The following SLC8A3 variants were observed in gnomAD, a reference collection of about 807,000 sequenced individuals.
The protein encoded by SLC8A3 is solute carrier family 8 member A3.
Under a neutral mutation model 65.4 loss-of-function variants are expected in SLC8A3, and 37 were observed. The observed-to-expected ratio is 0.57, with a 90% CI of 0.44 to 0.74. The LOEUF is 0.74. Among genes scored for constraint, SLC8A3 ranks in the 30% least tolerant of loss-of-function variants. The pLI, the probability that SLC8A3 is intolerant of heterozygous loss-of-function variation, is 0.00. For missense variants in SLC8A3, 1,112 were observed against 1,172.1 expected (o/e 0.95, Z 0.75); for synonymous variants, 461 against 444.5 (o/e 1.04, Z -0.47).
chr14:70,166,506 C>A, intron 2 of SLC8A3, 133 bp downstream of exon 2: 1 of 619,988 alleles, frequency 1.6e-6, no homozygotes, highest in Non-Finnish European at 2.9e-6. Flanking sequence ...GCTGATCCTG[C>A]ATACCTGTGA....
intron 2 of SLC8A3, among the ~76,000 whole-genome samples, chr14:70,091,297 A>G (rs894778226): frequency 1.3e-5 from 2 of 152,184 alleles, no homozygotes; most frequent in African/African-American, 4.8e-5. Context: ...TCCTTTTTTA[A>G]TAACAAAAAT....
At chr14:70,056,440 T>A (rs559326244) in intron 3 of SLC8A3, among the ~76,000 whole-genome samples, 2 of 152,306 alleles carry the variant, frequency 1.3e-5, no homozygotes, top group Non-Finnish European at 1.5e-5. Flanking sequence ...AGAACTTTGA[T>A]TTCCCCTAAA....
intron 2 of SLC8A3, among the ~76,000 whole-genome samples, chr14:70,062,874 G>T (rs1430787264): frequency 2.6e-5 from 4 of 152,152 alleles, no homozygotes; most frequent in African/African-American, 9.7e-5. Context: ...GGATTGGGGT[G>T]CTCTGTGACA....
chr14:70,115,836 C>A (rs959361803), intron 2 of SLC8A3, among the ~76,000 whole-genome samples: 5 of 152,160 alleles, frequency 3.3e-5, no homozygotes, highest in African/African-American at 1.2e-4. Context: ...AAGGGTCCAA[C>A]CAGATGATGT....
intron 1 of SLC8A3, among the ~76,000 whole-genome samples, chr14:70,185,386 A>G (rs986959063): frequency 1.3e-5 from 2 of 152,242 alleles, no homozygotes; most frequent in Admixed American, 6.5e-5. Flanking sequence ...CATGCCTACT[A>G]TCAGTGCCCA....
intron 2 of SLC8A3, among the ~76,000 whole-genome samples, chr14:70,066,746 G>A (rs558226661): frequency 6.6e-6 from 1 of 152,202 alleles, no homozygotes; most frequent in Non-Finnish European, 1.5e-5. Flanking sequence ...AAGAGGCGGA[G>A]GTTGCAGTGA....
At chr14:70,075,784 G>A (rs1273941715) in intron 2 of SLC8A3, among the ~76,000 whole-genome samples, 2 of 152,058 alleles carry the variant, frequency 1.3e-5, no homozygotes, top group African/African-American at 2.4e-5. Flanking sequence ...ATCTTTCATA[G>A]GTTCCCATTG....
chr14:70,069,842 A>G (rs1303517820), intron 2 of SLC8A3, among the ~76,000 whole-genome samples: 1 of 152,168 alleles, frequency 6.6e-6, no homozygotes, highest in Admixed American at 6.5e-5. Context: ...TGTGCACATG[A>G]ATCACCCAAG....
chr14:70,175,175 T>G (rs989215951), intron 1 of SLC8A3, among the ~76,000 whole-genome samples: 3 of 152,168 alleles, frequency 2.0e-5, no homozygotes, highest in African/African-American at 7.2e-5. Flanking sequence ...ATTCTTTATA[T>G]GGACCAAGGA....
intron 2 of SLC8A3, among the ~76,000 whole-genome samples, chr14:70,122,160 G>A (rs958011402): frequency 2.6e-5 from 4 of 152,208 alleles, no homozygotes; most frequent in Non-Finnish European, 5.9e-5. Flanking sequence ...TGGGGGACGA[G>A]GGGCGGTATG....
chr14:70,049,491 G>A (rs1887216645), intron 5 of SLC8A3, among the ~76,000 whole-genome samples: 1 of 152,128 alleles, frequency 6.6e-6, no homozygotes, highest in Non-Finnish European at 1.5e-5. Context: ...CAGGGGTGAG[G>A]GATAGGGGAG....
chr14:70,096,759 T>C (rs1258977371), intron 2 of SLC8A3, among the ~76,000 whole-genome samples: 1 of 152,178 alleles, frequency 6.6e-6, no homozygotes, highest in Non-Finnish European at 1.5e-5. Flanking sequence ...AGAATGCATT[T>C]AGAGGAGAGG....
At chr14:70,164,434 T>C (rs58673738) in intron 2 of SLC8A3, among the ~76,000 whole-genome samples, 1,838 of 152,214 alleles carry the variant, frequency 0.012, 34 homozygotes, top group African/African-American at 0.041. Flanking sequence ...GATGGGAACA[T>C]AGATTTGTTC....
intron 2 of SLC8A3, among the ~76,000 whole-genome samples, chr14:70,138,811 A>T (rs1895387125): frequency 6.6e-6 from 1 of 152,240 alleles, no homozygotes; most frequent in Admixed American, 6.5e-5. Flanking sequence ...AAAGGACCAC[A>T]GTCTCAGTGC....
chr14:70,152,842 T>C (rs952322267), intron 2 of SLC8A3, among the ~76,000 whole-genome samples: 3 of 152,194 alleles, frequency 2.0e-5, no homozygotes, highest in Non-Finnish European at 2.9e-5. Context: ...GGCAACTCCC[T>C]GTAGAGTGGC....
chr14:70,060,527 C>G, intron 3 of SLC8A3: 1 of 471,342 alleles, frequency 2.1e-6, no homozygotes, highest in Admixed American at 2.7e-5. Flanking sequence ...AAAATTGTAG[C>G]AAAACAGGGA....
chr14:70,097,707 T>C (rs79450139), intron 2 of SLC8A3, among the ~76,000 whole-genome samples: 4 of 152,162 alleles, frequency 2.6e-5, no homozygotes, highest in Non-Finnish European at 5.9e-5. Flanking sequence ...AATCTCTTTG[T>C]CTTGTAATAC....
At chr14:70,130,168 G>T (rs10132344) in intron 2 of SLC8A3, among the ~76,000 whole-genome samples, 17,641 of 152,254 alleles carry the variant, frequency 0.12, 1,092 homozygotes, top group Middle Eastern at 0.16. Context: ...AAAGATTATC[G>T]GTAGGAGCTT....
intron 2 of SLC8A3, among the ~76,000 whole-genome samples, chr14:70,159,975 C>T (rs183582954): frequency 1.4e-3 from 213 of 152,194 alleles, no homozygotes; most frequent in Non-Finnish European, 2.2e-3. Context: ...CTCCACCAAC[C>T]GCAGGTTCCA....
Sources: gnomAD v4.1 joint callset for allele counts (sites outside exome capture counted in the v4.1 genomes callset) on GRCh38, gnomAD v4.1.1 for gene constraint, MANE v1.5 for transcripts, NCBI Gene and HGNC (gene_info 2026-07-23, HGNC 2026-07-21) for gene names.